GALM: variants seen among roughly 807,000 people sequenced by gnomAD.
The protein encoded by GALM is aldose 1-epimerase.
In GALM, 43 loss-of-function variants were observed where a neutral mutation model predicts 37.4. That is an observed-to-expected ratio of 1.15 (90% confidence interval 0.90 to 1.48). GALM has a LOEUF of 1.48. Ranked by LOEUF, GALM falls within the 40% of genes most tolerant of loss-of-function variation. The probability of loss-of-function intolerance (pLI) is 0.00; values close to 1 mark genes in which losing one functional copy is unlikely to be tolerated. For synonymous variants in GALM, 199 were observed against 170.6 expected (o/e 1.17, Z -1.30); for missense variants, 456 against 419.1 (o/e 1.09, Z -0.77).
intron 2 of GALM, among the ~76,000 whole-genome samples, chr2:38,678,241 C>T (rs1225730343): frequency 6.6e-6 from 1 of 152,038 alleles, no homozygotes; most frequent in Non-Finnish European, 1.5e-5. Context: ...AACTCCCGAC[C>T]TCAGGTGATT....
At chr2:38,673,832 C>A (rs1219188560) in intron 1 of GALM, among the ~76,000 whole-genome samples, 5 of 144,694 alleles carry the variant, frequency 3.5e-5, no homozygotes, top group East Asian at 2.0e-4. Flanking sequence ...AAAGGGAACT[C>A]AAAAAAAAAT....
At chr2:38,679,357 G>C (rs1465655) in intron 2 of GALM, among the ~76,000 whole-genome samples, 25,384 of 128,140 alleles carry the variant, frequency 0.2, 4,320 homozygotes, top group African/African-American at 0.5. Context: ...ACTCCCCACC[G>C]CCCCCGACAC....
At chr2:38,687,295 G>A (rs1364425238) in intron 3 of GALM, among the ~76,000 whole-genome samples, 1 of 152,208 alleles carries the variant, frequency 6.6e-6, no homozygotes, top group Non-Finnish European at 1.5e-5. Flanking sequence ...TGGACCTGCT[G>A]CCCCAGCTCA....
rs753928648 is a variant in GALM at position 38,676,029 on chromosome 2, C to T, written c.308C>T (p.Pro103Leu). Reference sequence around the variant, plus strand: ...TATCACCTGGCCATTAACAAGGAACCCAACAGTCTGCATGGAGGAGTCAGA... The same window carrying T: ...TATCACCTGGCCATTAACAAGGAACTCAACAGTCTGCATGGAGGAGTCAGA... ...KEYHLAINKE[P>L]NSLHGGVRGF... Residue 103 changes from proline (P) to leucine (L), a missense_variant, in exon 2 of 7, where the codon CCC (proline) becomes CTC (leucine). Transcript: ENST00000272252. The T allele has an allele frequency of 1.1e-5, 18 of 1,613,998 alleles. No homozygotes were observed. In the East Asian group the frequency reaches 3.1e-4, roughly 28 times the overall value.
chr2:38,691,326 G>A (rs895000155), intron 4 of GALM, among the ~76,000 whole-genome samples: 1 of 152,196 alleles, frequency 6.6e-6, no homozygotes, highest in African/African-American at 2.4e-5. Context: ...TTACTTGATT[G>A]TAAAAAATCA....
At chr2:38,727,737 A>G (rs185599245) in intron 4 of GALM, among the ~76,000 whole-genome samples, 23 of 152,134 alleles carry the variant, frequency 1.5e-4, no homozygotes, top group Admixed American at 3.9e-4. Flanking sequence ...AAAAAAAAAA[A>G]AAAGAAAAAG....
rs527668111 is a variant in GALM at position 38,731,754 on chromosome 2, G to A, written c.796G>A (p.Gly266Arg). 1.4e-5 allele frequency: 23 copies of A among 1,613,742 alleles called. No homozygotes were observed. The highest frequency in any genetic ancestry group is 8.0e-5 in the African/African-American group (6 of 74,886). The change falls in exon 6 of 7, where the codon GGG (glycine) becomes AGG (arginine). Residue 266 changes from glycine (G) to arginine (R), a missense_variant. Transcript: ENST00000272252. ...FCARVHHAAS[G>R]RVLEVYTTQP... ...TACCAGGGTGCATCATGCTGCAAGC[G>A]GGCGGGTACTAGAAGTATACACCAC...
At chr2:38,724,622 T>C (rs1408063453) in intron 4 of GALM, among the ~76,000 whole-genome samples, 1 of 152,216 alleles carries the variant, frequency 6.6e-6, no homozygotes, top group Non-Finnish European at 1.5e-5. Flanking sequence ...GAGCCTTCAC[T>C]GTTTTTTTCT....
intron 3 of GALM, among the ~76,000 whole-genome samples, chr2:38,688,962 A>G (rs903491468): frequency 6.6e-6 from 1 of 152,186 alleles, no homozygotes; most frequent in Non-Finnish European, 1.5e-5. Context: ...CTGAGATTAC[A>G]GGCATGTGCC....
At chr2:38,708,396 G>C (rs1449883391) in intron 4 of GALM, among the ~76,000 whole-genome samples, 2 of 152,188 alleles carry the variant, frequency 1.3e-5, no homozygotes, top group African/African-American at 4.8e-5. Flanking sequence ...CATGGAATCT[G>C]TCCCAGCATC....
chr2:38,676,001 G>T lies in GALM; in HGVS notation c.280G>T (p.Glu94Ter). The T allele has an allele frequency of 9.3e-6, 15 of 1,614,090 alleles. No individual in the cohort carries two copies. Among genetic ancestry groups the T allele is most frequent in the Non-Finnish European group, 1.3e-5 (15 of 1,179,974 alleles). Residue 94 changes from glutamate to a stop codon, truncating the protein, a stop_gained, in exon 2 of 7, where the codon GAG becomes TAG. Transcript: ENST00000272252. LOFTEE classifies it high-confidence loss of function. ...AGGAACCTTCAAGGTGGATGGGAAG[G>T]AGTATCACCTGGCCATTAACAAGGA... is the stretch of plus-strand genomic sequence containing the variant. ...AKGTFKVDGK[E>*]YHLAINKEPN...
intron 4 of GALM, among the ~76,000 whole-genome samples, chr2:38,728,686 A>AAAAACAACAC (rs1666535791): frequency 6.6e-6 from 1 of 150,614 alleles, no homozygotes; most frequent in Non-Finnish European, 1.5e-5. Flanking sequence ...CTCCATCTCA[A>AAAAACAACAC]AAAACAAAAC....
intron 4 of GALM, among the ~76,000 whole-genome samples, chr2:38,718,835 G>C (rs1368537471): frequency 6.6e-6 from 1 of 151,826 alleles, no homozygotes; most frequent in African/African-American, 2.4e-5. Context: ...TCAGGCATGA[G>C]GGCCACCAGG....
At chr2:38,699,348 T>C (rs1572527954) in intron 4 of GALM, among the ~76,000 whole-genome samples, 1 of 152,238 alleles carries the variant, frequency 6.6e-6, no homozygotes, top group East Asian at 1.9e-4. Flanking sequence ...CAAATCAGGG[T>C]AATTAGCATA....
intron 4 of GALM, among the ~76,000 whole-genome samples, chr2:38,704,015 C>CA (rs1164284196): frequency 1.3e-5 from 2 of 148,912 alleles, no homozygotes; most frequent in African/African-American, 5.0e-5. Flanking sequence ...AACGCTGTCT[C>CA]AAAAAATAAA....
At chr2:38,697,846 C>A (rs914143346) in intron 4 of GALM, among the ~76,000 whole-genome samples, 7 of 152,170 alleles carry the variant, frequency 4.6e-5, no homozygotes, top group African/African-American at 1.4e-4. Flanking sequence ...CAATGCAGAG[C>A]CGGCATTTAG....
intron 4 of GALM, among the ~76,000 whole-genome samples, chr2:38,719,249 A>G (rs2148453503): frequency 6.6e-6 from 1 of 151,726 alleles, no homozygotes; most frequent in East Asian, 2.0e-4. Flanking sequence ...AGGTGGGTGG[A>G]TCACGAGGTC....
rs190287160 is a variant in GALM, at chr2:38,726,790, G to C, written c.635-2766G>C. Among the ~76,000 whole-genome samples the C allele has an allele frequency of 1.3e-3, 203 of 152,026 alleles. 1 individual carries two copies. Among genetic ancestry groups the C allele is most frequent in the African/African-American group, 4.4e-3 (183 of 41,496 alleles). ...AGGCACCTGTAATCCCAGCTACTTGGGAGGCTGAGGCAGAAGAATCGCTTG... is the reference window on the plus strand; with the variant it reads ...AGGCACCTGTAATCCCAGCTACTTGCGAGGCTGAGGCAGAAGAATCGCTTG... On this transcript the variant is annotated intron_variant, in intron 4 of 6. Transcript: ENST00000272252.
At chr2:38,711,033 C>T (rs1259633765) in intron 4 of GALM, among the ~76,000 whole-genome samples, 1 of 152,100 alleles carries the variant, frequency 6.6e-6, no homozygotes, top group Non-Finnish European at 1.5e-5. Context: ...GGATTACAGG[C>T]GTAAGCTACT....
Sources: gnomAD v4.1 joint callset for allele counts (sites outside exome capture counted in the v4.1 genomes callset) on GRCh38, gnomAD v4.1.1 for gene constraint, MANE v1.5 for transcripts, NCBI Gene and HGNC (gene_info 2026-07-23, HGNC 2026-07-21) for gene names.